The following LNPK variants were observed in gnomAD, a reference collection of about 807,000 sequenced individuals.
LNPK encodes endoplasmic reticulum junction formation protein lunapark.
Under a neutral mutation model 55.2 loss-of-function variants are expected in LNPK, and 29 were observed. That is an observed-to-expected ratio of 0.53 (90% CI 0.39 to 0.72). LNPK has a LOEUF of 0.72. Among genes scored for constraint, LNPK ranks in the 30% least tolerant of loss-of-function variants. The pLI is 0.00. For missense variants in LNPK, 467 were observed against 494.8 expected, an observed-to-expected ratio of 0.94 and a Z score of 0.53; for synonymous variants, 162 against 168.2, an observed-to-expected ratio of 0.96 and a Z score of 0.29.
intron 8 of LNPK, among the ~76,000 whole-genome samples, chr2:175,953,941 C>A (rs529061666): frequency 6.6e-6 from 1 of 152,056 alleles, no homozygotes; most frequent in Non-Finnish European, 1.5e-5. Flanking sequence ...TCATATGACC[C>A]CTACTTTCCT....
intron 6 of LNPK, among the ~76,000 whole-genome samples, chr2:175,970,434 T>G (rs1016871934): frequency 1.3e-5 from 2 of 152,112 alleles, no homozygotes. Flanking sequence ...CGTGGAGATA[T>G]TTTGTCCTTT....
chr2:175,924,831 T>C lies in LNPK; in HGVS notation c.*5136A>G, dbSNP rs1033659344. 1.3e-5 allele frequency: 2 copies of C among 152,280 alleles called. No individual in the cohort carries two copies. The highest frequency in any genetic ancestry group is 2.9e-5 in the Non-Finnish European group (2 of 68,260). The allele number at this position is 152,280 out of a possible 1,614,324, so 9.4% of individuals were successfully genotyped here. A position where few individuals can be genotyped will look rare whatever the true frequency, so the allele number is the denominator to read the frequency against. On this transcript the variant is annotated 3_prime_UTR_variant, in exon 13 of 13. Coordinates refer to ENST00000272748, the MANE Select transcript of LNPK (RefSeq NM_030650.3). ...GGCAGAAAGCAAAGGGGAGCTGGTGTGTGCAGAGATCACACAGCAAGAGAG... is the reference window on the plus strand; with the variant it reads ...GGCAGAAAGCAAAGGGGAGCTGGTGCGTGCAGAGATCACACAGCAAGAGAG...
intron 8 of LNPK, among the ~76,000 whole-genome samples, chr2:175,957,336 T>A (rs1685743218): frequency 6.6e-6 from 1 of 151,736 alleles, no homozygotes; most frequent in East Asian, 1.9e-4. Flanking sequence ...CCAGCCTGGG[T>A]GATACAGTGA....
intron 8 of LNPK, among the ~76,000 whole-genome samples, chr2:175,950,806 G>A (rs1327387981): frequency 6.6e-6 from 1 of 152,024 alleles, no homozygotes; most frequent in Admixed American, 6.6e-5. Context: ...CTCAGCCAAA[G>A]CACATGCGAA....
chr2:175,949,213 CTTT>C (rs1376634117), intron 8 of LNPK, among the ~76,000 whole-genome samples: 1 of 152,046 alleles, frequency 6.6e-6, no homozygotes, highest in Non-Finnish European at 1.5e-5. Context: ...TATTTTGCTA[CTTT>C]CCATGCAATT....
Position 175,929,336 on chromosome 2 carries a change from T to C in LNPK, c.*631A>G, listed in dbSNP as rs1684154704. ...AATAAAAGACATCAAAAAGAAACAC[T>C]GCAGTTGACTGTTTCATTGCATTCT... On this transcript the variant is annotated 3_prime_UTR_variant, in exon 13 of 13. Coordinates refer to ENST00000272748, the MANE Select transcript of LNPK (RefSeq NM_030650.3). 1.0e-6 allele frequency: 1 copy of C among 985,772 alleles called. No homozygotes were observed. The highest frequency in any genetic ancestry group is 6.1e-5 in the Admixed American group (1 of 16,280). 61.1% of individuals were successfully genotyped at this position (985,772 alleles called of 1,614,324 possible). A position where few individuals can be genotyped will look rare whatever the true frequency, so the allele number is the denominator to read the frequency against.
At position 175,947,791 on chromosome 2, in the gene LNPK, G is replaced by C. The variant is rs79442856; in HGVS notation, c.494-99C>G. 1,216 of 682,084 alleles carry C rather than the reference G, an allele frequency of 1.8e-3. 8 individuals carry two copies. The African/African-American group carries it at 0.02, about 11-fold the overall frequency. 42.3% of individuals were successfully genotyped at this position (682,084 alleles called of 1,614,324 possible). Reference sequence around the variant, plus strand: ...TTATTAAAATTTTACGCCCCAAAAGGCATTGTAGTGTCAAAATTACTTATA... The same window carrying C: ...TTATTAAAATTTTACGCCCCAAAAGCCATTGTAGTGTCAAAATTACTTATA... On this transcript the variant is annotated intron_variant, in intron 8 of 12. Transcript: ENST00000272748.
chr2:175,929,378 C>G lies in LNPK; in HGVS notation c.*589G>C. ...TTGCATTCTCACTGAGAATTCGTAC[C>G]AGTGCCAACGTAGTTACAGTTCTAC... is the stretch of plus-strand genomic sequence containing the variant. On this transcript the variant is annotated 3_prime_UTR_variant, in exon 13 of 13. Transcript: ENST00000272748. 22 of 985,604 alleles carry G rather than the reference C, an allele frequency of 2.2e-5. No individual in the cohort carries two copies. The highest frequency in any genetic ancestry group is 2.7e-5 in the Non-Finnish European group (22 of 829,754). The allele number at this position is 985,604 out of a possible 1,614,324, so 61.1% of individuals were successfully genotyped here.
intron 8 of LNPK, among the ~76,000 whole-genome samples, chr2:175,955,805 C>T (rs1328186171): frequency 1.3e-5 from 2 of 152,172 alleles, no homozygotes; most frequent in Non-Finnish European, 2.9e-5. Context: ...AGAAGTTGTA[C>T]TCTATTTGCT....
intron 8 of LNPK, among the ~76,000 whole-genome samples, chr2:175,949,074 T>G (rs1316985178): frequency 3.8e-4 from 58 of 152,158 alleles, no homozygotes; most frequent in Admixed American, 3.7e-3. Flanking sequence ...ACTAAGTATT[T>G]TCAAATGATT....
intron 4 of LNPK, among the ~76,000 whole-genome samples, chr2:175,983,280 A>G (rs1430762244): frequency 1.3e-5 from 2 of 152,176 alleles, no homozygotes; most frequent in Non-Finnish European, 2.9e-5. Context: ...TCCTATGGCA[A>G]GGGGGTTGGG....
intron 5 of LNPK, among the ~76,000 whole-genome samples, chr2:175,977,975 T>TAGA (rs1479379146): frequency 2.6e-5 from 4 of 152,148 alleles, no homozygotes; most frequent in African/African-American, 9.7e-5. Context: ...CCAGAGTATT[T>TAGA]AGAATCCAGA....
intron 9 of LNPK, among the ~76,000 whole-genome samples, chr2:175,941,651 C>T (rs543055763): frequency 2.6e-5 from 4 of 151,216 alleles, no homozygotes; most frequent in African/African-American, 9.7e-5. Context: ...ATTGGCTGGG[C>T]GTGGTGGCAC....
chr2:175,942,826 G>A (rs1167672830), intron 9 of LNPK, among the ~76,000 whole-genome samples: 1 of 150,660 alleles, frequency 6.6e-6, no homozygotes, highest in Non-Finnish European at 1.5e-5. Context: ...ATAAAGATCA[G>A]AGAGGAAATT....
chr2:175,975,962 G>A (rs1160879861), intron 5 of LNPK, among the ~76,000 whole-genome samples: 1 of 152,174 alleles, frequency 6.6e-6, no homozygotes, highest in Non-Finnish European at 1.5e-5. Flanking sequence ...GCAGTGACCT[G>A]AGATCGTGCC....
intron 8 of LNPK, among the ~76,000 whole-genome samples, chr2:175,954,688 T>C (rs1685603811): frequency 6.6e-6 from 1 of 152,194 alleles, no homozygotes; most frequent in Non-Finnish European, 1.5e-5. Context: ...ATCTCAACAT[T>C]AAACAACATG....
At chr2:175,940,710 G>T (rs578208129) in intron 9 of LNPK, among the ~76,000 whole-genome samples, 2 of 152,162 alleles carry the variant, frequency 1.3e-5, no homozygotes, top group African/African-American at 4.8e-5. Context: ...TTATGAAAAT[G>T]ACTGAATTAG....
chr2:175,946,870 T>C (rs1244681655), intron 9 of LNPK, among the ~76,000 whole-genome samples: 1 of 152,178 alleles, frequency 6.6e-6, no homozygotes, highest in Non-Finnish European at 1.5e-5. Flanking sequence ...GAGGGTACTA[T>C]AGTCTATTAC....
At chr2:175,979,443 C>T (rs1363339706) in intron 5 of LNPK, among the ~76,000 whole-genome samples, 1 of 151,904 alleles carries the variant, frequency 6.6e-6, no homozygotes, top group Non-Finnish European at 1.5e-5. Context: ...CCTATAATCC[C>T]AGCTACTCTG....
Sources: gnomAD v4.1 joint callset for allele counts (sites outside exome capture counted in the v4.1 genomes callset) on GRCh38, gnomAD v4.1.1 for gene constraint, MANE v1.5 for transcripts, NCBI Gene and HGNC (gene_info 2026-07-23, HGNC 2026-07-21) for gene names.